The following LPA variants were observed in gnomAD, a reference collection of about 807,000 sequenced individuals.
LPA encodes the protein lipoprotein(a), also known as apolipoprotein(a).
Under a neutral mutation model 197.9 loss-of-function variants are expected in LPA, and 199 were observed. That is an observed-to-expected ratio of 1.01 (90% CI 0.90 to 1.13). LPA has a LOEUF of 1.13. LPA is among the 50% of genes most tolerant of loss of function. LPA has a pLI of 0.00. For missense variants in LPA, 1,853 were observed against 1,785.8 expected, an observed-to-expected ratio of 1.04 and a Z score of -0.68; for synonymous variants, 715 against 639.5, an observed-to-expected ratio of 1.12 and a Z score of -1.78.
intron 28 of LPA, among the ~76,000 whole-genome samples, chr6:160,559,107 G>A (rs1276002618): frequency 6.6e-6 from 1 of 152,152 alleles, no homozygotes; most frequent in Non-Finnish European, 1.5e-5. Context: ...TACCTGTGGA[G>A]CCCAAACTCC....
chr6:160,659,807 C>T (rs908080430), intron 1 of LPA, among the ~76,000 whole-genome samples: 2 of 152,154 alleles, frequency 1.3e-5, no homozygotes, highest in Non-Finnish European at 2.9e-5. Flanking sequence ...CATAAGGCAG[C>T]TACACTGTGC....
chr6:160,553,361 A>T (rs995749199), intron 30 of LPA, among the ~76,000 whole-genome samples: 1 of 152,204 alleles, frequency 6.6e-6, no homozygotes, highest in East Asian at 1.9e-4. Flanking sequence ...CTTTTAATAC[A>T]GAAGCCTGCC....
intron 1 of LPA, among the ~76,000 whole-genome samples, chr6:160,661,136 C>G (rs1042057794): frequency 6.6e-6 from 1 of 150,802 alleles, no homozygotes; most frequent in Non-Finnish European, 1.5e-5. Context: ...CTGGAGATGC[C>G]AGCTCCATCT....
intron 2 of LPA, among the ~76,000 whole-genome samples, chr6:160,648,423 T>C (rs1779943263): frequency 6.6e-6 from 1 of 152,228 alleles, no homozygotes; most frequent in African/African-American, 2.4e-5. Flanking sequence ...TCAGCCATCC[T>C]TGCTTTCAGT....
chr6:160,567,873 G>A (rs768922589), intron 28 of LPA, among the ~76,000 whole-genome samples: 2 of 152,156 alleles, frequency 1.3e-5, no homozygotes, highest in Non-Finnish European at 2.9e-5. Context: ...ACACCTCTGT[G>A]CAAATAAACT....
At chr6:160,569,786 G>GA (rs554709754) in intron 28 of LPA, among the ~76,000 whole-genome samples, 9 of 151,736 alleles carry the variant, frequency 5.9e-5, no homozygotes, top group South Asian at 4.2e-4. Flanking sequence ...AAATTTACAA[G>GA]AAAAAAAATC....
At chr6:160,579,393 C>A (rs1490202877) in intron 26 of LPA, among the ~76,000 whole-genome samples, 2 of 152,176 alleles carry the variant, frequency 1.3e-5, no homozygotes, top group Non-Finnish European at 2.9e-5. Flanking sequence ...AGGATGGGTT[C>A]ATGGGCACGA....
At chr6:160,566,406 A>C (rs1018368588) in intron 28 of LPA, among the ~76,000 whole-genome samples, 5 of 152,234 alleles carry the variant, frequency 3.3e-5, no homozygotes, top group African/African-American at 1.2e-4. Flanking sequence ...TCATAAGTGA[A>C]GGAGAAATAA....
rs199734505 is a variant in LPA, at chr6:160,650,506, A to G, written c.50-9T>C. 400 of 1,612,972 alleles carry G rather than the reference A, an allele frequency of 2.5e-4. No individual in the cohort carries two copies. Among genetic ancestry groups the G allele is most frequent in the Non-Finnish European group, 3.2e-4 (383 of 1,179,268 alleles). The stretch of plus-strand genomic sequence containing the variant: ...GCTTTGCTCAGGTGCTGCTAAAATT[A>G]AAACAGAAGAAATCAAGCTGAATAG... On this transcript the variant is annotated splice_polypyrimidine_tract_variant and intron_variant, in intron 1 of 38. Transcript: ENST00000316300.
At chr6:160,549,114 T>C (rs896478561) in intron 30 of LPA, among the ~76,000 whole-genome samples, 1 of 152,002 alleles carries the variant, frequency 6.6e-6, no homozygotes. Flanking sequence ...AACCATCAGA[T>C]CTCAGGAGAC....
At chr6:160,585,864 G>C (rs1778901067) in intron 25 of LPA, among the ~76,000 whole-genome samples, 1 of 152,120 alleles carries the variant, frequency 6.6e-6, no homozygotes, top group Admixed American at 6.6e-5. Flanking sequence ...TCCATGAGAA[G>C]CAGGGATGAG....
Position 160,605,095 on chromosome 6 carries a change from A to G in LPA, c.2896T>C (p.Ser966Pro), listed in dbSNP as rs1302186877. The G allele has an allele frequency of 6.2e-7, 1 of 1,613,800 alleles. No homozygotes were observed. Among genetic ancestry groups the G allele is most frequent in the Non-Finnish European group, 8.5e-7 (1 of 1,179,832 alleles). ...VTGRTCQAWSSMTPHSHSRTP... is the reference protein window; with the variant it reads ...VTGRTCQAWSPMTPHSHSRTP... ...CGACTATGCGAGTGTGGTGTCATAGATGACCAAGCTTGGCAGGTTCTTCCT... is the reference window on the plus strand; with the variant it reads ...CGACTATGCGAGTGTGGTGTCATAGGTGACCAAGCTTGGCAGGTTCTTCCT... The change falls in exon 18 of 39, where the codon TCT becomes CCT. Residue 966 changes from serine to proline, a missense_variant. By Grantham distance (74) the Ser-to-Pro change is moderately conservative. Around this residue, in one of 3 missense-constraint regions of LPA, gnomAD observed 1,737 missense variants for 1,504.4 expected, o/e 1.15. Transcript: ENST00000316300.
At chr6:160,568,265 C>G (rs907746821) in intron 28 of LPA, among the ~76,000 whole-genome samples, 2 of 152,200 alleles carry the variant, frequency 1.3e-5, no homozygotes, top group African/African-American at 2.4e-5. Context: ...CCGAATCCAG[C>G]AGCACATCAA....
chr6:160,552,301 T>G (rs757849155), intron 30 of LPA, among the ~76,000 whole-genome samples: 1 of 152,202 alleles, frequency 6.6e-6, no homozygotes, highest in African/African-American at 2.4e-5. Context: ...AAAGGACTGT[T>G]GCAATAGTGC....
In LPA at chr6:160,589,584, G is replaced by A; in HGVS notation, c.3916C>T (p.His1306Tyr). ...GGGTAGTATTCTGTGGTTCTCTGAT[G>A]CCAGTGTGGTGTCATAGAGGACCAA... ...QSWSSMTPHWHQRTTEYYPNG... is the reference protein window; with the variant it reads ...QSWSSMTPHWYQRTTEYYPNG... The change falls in exon 24 of 39, where the codon CAT becomes TAT. Residue 1306 changes from histidine (H) to tyrosine (Y), a missense_variant. By Grantham distance (83) the His-to-Tyr change is moderately conservative. Coordinates refer to ENST00000316300, the MANE Select transcript of LPA (RefSeq NM_005577.4). 3.7e-6 allele frequency: 6 copies of A among 1,613,904 alleles called. No individual in the cohort carries two copies. Among genetic ancestry groups the A allele is most frequent in the Non-Finnish European group, 5.1e-6 (6 of 1,179,852 alleles).
At chr6:160,601,123 T>A (rs1384072904) in intron 18 of LPA, 25 bp from the exon 19 acceptor site, 7 of 1,610,520 alleles carry the variant, frequency 4.3e-6, no homozygotes, top group Non-Finnish European at 5.9e-6. Context: ...AGAATACACA[T>A]CACAAAAAAT....
At chr6:160,659,084 A>C (rs1205113622) in intron 1 of LPA, among the ~76,000 whole-genome samples, 4 of 152,162 alleles carry the variant, frequency 2.6e-5, no homozygotes, top group African/African-American at 9.6e-5. Flanking sequence ...CCACAGCTGA[A>C]GAACTTGGAG....
At position 160,654,077 on chromosome 6, in the gene LPA, TATATTATATATATTATATATA is replaced by T. The variant is rs1280050709; in HGVS notation, c.50-3601_50-3581del. On this transcript the variant is annotated intron_variant, in intron 1 of 38. Coordinates refer to ENST00000316300, the MANE Select transcript of LPA (RefSeq NM_005577.4). ...TATATTATATATATTATATATAATA[TATATTATATATATTATATATA>T]ATATAATATATTATATGTATATAAA... is the stretch of plus-strand genomic sequence containing the variant. Among the ~76,000 whole-genome samples, 294 of 56,590 alleles carry T rather than the reference TATATTATATATATTATATATA, an allele frequency of 5.2e-3. 13 individuals carry two copies. The highest frequency in any genetic ancestry group is 0.02 in the African/African-American group (254 of 12,910). 37.1% of individuals were successfully genotyped at this position (56,590 alleles called of 152,430 possible). A position where few individuals can be genotyped will look rare whatever the true frequency, so the allele number is the denominator to read the frequency against.
chr6:160,576,909 G>A (rs1180167734), intron 28 of LPA, among the ~76,000 whole-genome samples: 5 of 151,746 alleles, frequency 3.3e-5, no homozygotes, highest in Admixed American at 6.6e-5. Context: ...ATATGACTTC[G>A]CCACTTCCGT....
Sources: allele counts gnomAD v4.1 joint callset (sites outside exome capture counted in the v4.1 genomes callset), GRCh38; gene constraint gnomAD v4.1.1; regional missense constraint gnomAD v4.1.1; transcripts MANE v1.5; gene names NCBI Gene and HGNC (gene_info 2026-07-23, HGNC 2026-07-21).